Variants in SGCZ observed in about 807,000 individuals in gnomAD.
SGCZ encodes sarcoglycan zeta.
Under a neutral mutation model 41.3 loss-of-function variants are expected in SGCZ, and 40 were observed. The observed-to-expected ratio is 0.97, with a 90% confidence interval of 0.75 to 1.26. The LOEUF (loss-of-function observed/expected upper bound fraction) is 1.26. Ranked by LOEUF, SGCZ falls within the 50% of genes most tolerant of loss-of-function variation. The pLI, the probability that SGCZ is intolerant of heterozygous loss-of-function variation, is 0.00. For synonymous variants in SGCZ, 206 were observed against 137.5 expected (o/e 1.50, Z -3.49); for missense variants, 552 against 369.8 (o/e 1.49, Z -4.04).
intron 1 of SGCZ, among the ~76,000 whole-genome samples, chr8:15,221,693 A>C (rs1801608318): frequency 6.6e-6 from 1 of 152,116 alleles, no homozygotes. Context: ...CAATGTGTGG[A>C]ATAGTTGTCG....
chr8:14,905,781 T>A (rs111844476), intron 1 of SGCZ, among the ~76,000 whole-genome samples: 1 of 151,506 alleles, frequency 6.6e-6, no homozygotes, highest in Admixed American at 6.6e-5. Flanking sequence ...CAATTAAACA[T>A]TGAATGAGAC....
intron 1 of SGCZ, among the ~76,000 whole-genome samples, chr8:14,723,535 C>T (rs1172707198): frequency 6.6e-6 from 1 of 152,124 alleles, no homozygotes; most frequent in Non-Finnish European, 1.5e-5. Context: ...GGAGCCTGGC[C>T]ATAGGTGCCC....
chr8:14,345,034 A>G (rs1802846718), intron 2 of SGCZ, among the ~76,000 whole-genome samples: 1 of 152,180 alleles, frequency 6.6e-6, no homozygotes, highest in South Asian at 2.1e-4. Context: ...GTACGTGTGC[A>G]TATACACACA....
At chr8:14,452,691 G>A (rs539593876) in intron 2 of SGCZ, among the ~76,000 whole-genome samples, 2 of 152,030 alleles carry the variant, frequency 1.3e-5, no homozygotes, top group Admixed American at 6.6e-5. Context: ...TGTGGAGGCC[G>A]GGAGATAGGG....
At chr8:14,093,948 C>T (rs754381520) in intron 7 of SGCZ, among the ~76,000 whole-genome samples, 21 of 151,868 alleles carry the variant, frequency 1.4e-4, no homozygotes, top group Non-Finnish European at 3.1e-4. Flanking sequence ...GAGGATAGGG[C>T]CTGTCTTTGG....
chr8:14,168,140 G>A (rs1804262905), intron 4 of SGCZ, among the ~76,000 whole-genome samples: 1 of 151,934 alleles, frequency 6.6e-6, no homozygotes, highest in Non-Finnish European at 1.5e-5. Flanking sequence ...TATTTTCAAG[G>A]CCTTGAAGAA....
chr8:14,509,592 G>A (rs772882843), intron 2 of SGCZ, among the ~76,000 whole-genome samples: 23 of 152,182 alleles, frequency 1.5e-4, no homozygotes, highest in African/African-American at 4.8e-4. Flanking sequence ...AAGCAATTTC[G>A]CACCAGAAGA....
intron 1 of SGCZ, among the ~76,000 whole-genome samples, chr8:15,153,315 A>G (rs1293530744): frequency 1.3e-5 from 2 of 152,196 alleles, no homozygotes; most frequent in African/African-American, 2.4e-5. Context: ...TATGCCTAAC[A>G]TATATACTGA....
Position 14,088,015 on chromosome 8 carries a change from T to A in SGCZ, c.*2428A>T, listed in dbSNP as rs1188449250. 6.6e-6 allele frequency among the ~76,000 whole-genome samples: 1 copy of A among 151,882 alleles called. No homozygotes were observed. Reference sequence around the variant, plus strand: ...ATGTCTATACTTCTCAGAATGCATTTGAATTAAAAATGTGTCAGTCCCTCA... The same window carrying A: ...ATGTCTATACTTCTCAGAATGCATTAGAATTAAAAATGTGTCAGTCCCTCA... On this transcript the variant is annotated 3_prime_UTR_variant, in exon 8 of 8. Coordinates refer to ENST00000382080, the MANE Select transcript of SGCZ (RefSeq NM_139167.4).
chr8:14,693,114 TTAAG>T (rs1198044799), intron 1 of SGCZ, among the ~76,000 whole-genome samples: 1 of 152,162 alleles, frequency 6.6e-6, no homozygotes, highest in Admixed American at 6.5e-5. Flanking sequence ...TTTGTGGTGA[TTAAG>T]TAAGATTAAG....
chr8:14,089,588 C>A lies in SGCZ; in HGVS notation c.*855G>T, dbSNP rs1393696465. On this transcript the variant is annotated 3_prime_UTR_variant, in exon 8 of 8. Coordinates refer to ENST00000382080, the MANE Select transcript of SGCZ (RefSeq NM_139167.4). ...GATAGCATGTGAATTTTTTAAAAAT[C>A]ATCTATGGATTTAATACCATCAACA... is the stretch of plus-strand genomic sequence containing the variant. 1.3e-5 allele frequency among the ~76,000 whole-genome samples: 2 copies of A among 151,926 alleles called. No individual in the cohort carries two copies. The highest frequency in any genetic ancestry group is 2.9e-5 in the Non-Finnish European group (2 of 67,958).
At chr8:14,702,601 C>A (rs541465817) in intron 1 of SGCZ, among the ~76,000 whole-genome samples, 1 of 152,000 alleles carries the variant, frequency 6.6e-6, no homozygotes, top group East Asian at 1.9e-4. Context: ...AACCAACCCT[C>A]CCTTCAGTGT....
At position 14,998,216 on chromosome 8, in the gene SGCZ, C is replaced by T. The variant is rs369197725; in HGVS notation, c.39+239369G>A. Among the ~76,000 whole-genome samples the T allele has an allele frequency of 2.2e-4, 34 of 152,314 alleles. No homozygotes were observed. In the South Asian group the frequency reaches 5.8e-3, roughly 26 times the overall value. The stretch of plus-strand genomic sequence containing the variant: ...AAAGAAGTAAACATCTGTACATAAA[C>T]ATCTTTGCCTCACTCCTCAGCAAAG... On this transcript the variant is annotated intron_variant, in intron 1 of 7. Transcript: ENST00000382080.
At chr8:14,373,749 A>G (rs1429557424) in intron 2 of SGCZ, among the ~76,000 whole-genome samples, 1 of 152,158 alleles carries the variant, frequency 6.6e-6, no homozygotes, top group Non-Finnish European at 1.5e-5. Context: ...TTGAGATGAG[A>G]GGAATTGTAA....
At chr8:14,615,125 C>T (rs13277667) in intron 1 of SGCZ, among the ~76,000 whole-genome samples, 51,880 of 151,870 alleles carry the variant, frequency 0.34, 9,094 homozygotes, top group East Asian at 0.62. Flanking sequence ...AAAGGAGAAA[C>T]ATTATGACTG....
rs553916660 is a variant in SGCZ at position 14,669,198 on chromosome 8, T to TAC, written c.40-114273_40-114272insGT. 4.6e-3 allele frequency among the ~76,000 whole-genome samples: 686 copies of TAC among 149,402 alleles called. 2 individuals carry two copies. The highest frequency in any genetic ancestry group is 0.014 in the Middle Eastern group (4 of 288). On this transcript the variant is annotated intron_variant, in intron 1 of 7. Coordinates refer to ENST00000382080, the MANE Select transcript of SGCZ (RefSeq NM_139167.4). ...AACACACACACACACACTACAAATA[T>TAC]ATATATATATATAGCTGGGCATAGT...
chr8:14,309,507 G>A, intron 3 of SGCZ: 34 of 1,608,936 alleles, frequency 2.1e-5, no homozygotes, highest in Non-Finnish European at 2.7e-5. Context: ...TGTGATAAGA[G>A]AGCAGTGTGG....
At chr8:14,098,903 G>A (rs1390307254) in intron 7 of SGCZ, among the ~76,000 whole-genome samples, 1 of 152,128 alleles carries the variant, frequency 6.6e-6, no homozygotes, top group Non-Finnish European at 1.5e-5. Context: ...CTTCAGCATA[G>A]CCATAATGGT....
chr8:15,203,088 T>C (rs74772683), intron 1 of SGCZ, among the ~76,000 whole-genome samples: 14,023 of 151,788 alleles, frequency 0.092, 988 homozygotes, highest in African/African-American at 0.19. Context: ...CAACCCTGGG[T>C]GACAGAACAA....
Sources: gnomAD v4.1 joint callset for allele counts (sites outside exome capture counted in the v4.1 genomes callset) on GRCh38, gnomAD v4.1.1 for gene constraint, MANE v1.5 for transcripts, NCBI Gene and HGNC (gene_info 2026-07-23, HGNC 2026-07-21) for gene names.